TMEM132D: variants seen among roughly 807,000 people sequenced by gnomAD.
TMEM132D encodes the protein mature OL transmembrane protein.
TMEM132D carries 21 observed loss-of-function variants against 62.3 expected under a neutral mutation model. The ratio of observed to expected loss-of-function variants is 0.34; its 90% CI spans 0.24 to 0.49. The LOEUF (loss-of-function observed/expected upper bound fraction) is 0.49. TMEM132D is among the 20% of genes least tolerant of loss of function. The probability of loss-of-function intolerance (pLI) is 0.99; values close to 1 mark genes in which losing one functional copy is unlikely to be tolerated. For missense variants in TMEM132D, 1,346 were observed against 1,402.8 expected (o/e 0.96, Z 0.65); for synonymous variants, 621 against 575.6 (o/e 1.08, Z -1.13).
chr12:129,075,090 T>A, intron 8 of TMEM132D, 31 bp from the exon 9 acceptor site: 1 of 1,568,132 alleles, frequency 6.4e-7, no homozygotes, highest in Non-Finnish European at 8.6e-7. Context: ...GTTAATCAAA[T>A]GGGCCAAAAA....
intron 5 of TMEM132D, among the ~76,000 whole-genome samples, chr12:129,114,597 AACTT>A (rs1419422981): frequency 1.3e-5 from 2 of 152,216 alleles, no homozygotes; most frequent in East Asian, 3.8e-4. Context: ...GAAGCAAACA[AACTT>A]ACTTCATGCA....
chr12:129,528,822 A>G (rs933107596), intron 3 of TMEM132D, among the ~76,000 whole-genome samples: 1 of 152,174 alleles, frequency 6.6e-6, no homozygotes, highest in South Asian at 2.1e-4. Flanking sequence ...TAACTGGAAA[A>G]AGACCTGCTC....
At chr12:129,491,955 T>C (rs888947557) in intron 3 of TMEM132D, among the ~76,000 whole-genome samples, 5 of 145,440 alleles carry the variant, frequency 3.4e-5, no homozygotes, top group African/African-American at 1.3e-4. Flanking sequence ...AAAAAAAAAT[T>C]GCTTATTGGA....
intron 3 of TMEM132D, among the ~76,000 whole-genome samples, chr12:129,492,239 A>C (rs116341031): frequency 6.6e-6 from 1 of 152,350 alleles, no homozygotes; most frequent in African/African-American, 2.4e-5. Context: ...TTACAAATGC[A>C]GTACTTGGAA....
chr12:129,184,197 C>T (rs548000583), intron 5 of TMEM132D, among the ~76,000 whole-genome samples: 1 of 152,210 alleles, frequency 6.6e-6, no homozygotes, highest in African/African-American at 2.4e-5. Flanking sequence ...CAGGTCTCTG[C>T]AGGCCACCCG....
intron 5 of TMEM132D, 64 bp from the exon 6 acceptor site, chr12:129,084,766 A>G (rs2135620291): frequency 6.5e-7 from 1 of 1,531,408 alleles, no homozygotes; most frequent in Non-Finnish European, 8.9e-7. Context: ...GCATGGCCCA[A>G]GGAGGAGGAA....
At chr12:129,429,115 AC>A in intron 3 of TMEM132D, among the ~76,000 whole-genome samples, 1 of 97,644 alleles carries the variant, frequency 1.0e-5, no homozygotes, top group East Asian at 3.4e-4. Context: ...CCTTCAAGTT[AC>A]TCACTGTAGT....
chr12:129,897,905 T>A (rs939234200), intron 1 of TMEM132D, among the ~76,000 whole-genome samples: 1 of 152,186 alleles, frequency 6.6e-6, no homozygotes, highest in Non-Finnish European at 1.5e-5. Context: ...TTTTAGTTAT[T>A]CCATATAATT....
chr12:129,794,595 A>G (rs1257401288), intron 1 of TMEM132D, among the ~76,000 whole-genome samples: 3 of 152,198 alleles, frequency 2.0e-5, no homozygotes, highest in African/African-American at 7.2e-5. Context: ...ATGATACTGT[A>G]TGATATTGAG....
At chr12:129,537,709 A>G (rs1478205213) in intron 2 of TMEM132D, among the ~76,000 whole-genome samples, 4 of 152,226 alleles carry the variant, frequency 2.6e-5, no homozygotes, top group Non-Finnish European at 4.4e-5. Flanking sequence ...GAACAGTTCG[A>G]GGAGACCAAA....
At chr12:129,457,276 T>C (rs1211107791) in intron 3 of TMEM132D, among the ~76,000 whole-genome samples, 2 of 151,800 alleles carry the variant, frequency 1.3e-5, no homozygotes, top group African/African-American at 4.8e-5. Context: ...AATGATGAGT[T>C]TATGTCCTTT....
intron 1 of TMEM132D, among the ~76,000 whole-genome samples, chr12:129,860,137 A>C (rs1873845164): frequency 6.6e-6 from 1 of 152,180 alleles, no homozygotes; most frequent in Non-Finnish European, 1.5e-5. Context: ...CAGGACACGC[A>C]CACCCTAGAC....
At chr12:129,836,540 A>G (rs2137339453) in intron 1 of TMEM132D, among the ~76,000 whole-genome samples, 1 of 152,030 alleles carries the variant, frequency 6.6e-6, no homozygotes. Context: ...GTGTACCCCG[A>G]ATACTGAGAG....
intron 1 of TMEM132D, among the ~76,000 whole-genome samples, chr12:129,711,041 G>A (rs1200427870): frequency 6.6e-6 from 1 of 151,432 alleles, no homozygotes; most frequent in Non-Finnish European, 1.5e-5. Context: ...TGCATCTCCA[G>A]ACTGGAACTC....
chr12:129,586,779 A>G (rs1400014576), intron 2 of TMEM132D, among the ~76,000 whole-genome samples: 2 of 152,182 alleles, frequency 1.3e-5, no homozygotes, highest in South Asian at 2.1e-4. Context: ...ATTTGTTACA[A>G]TACCATAGCC....
intron 2 of TMEM132D, among the ~76,000 whole-genome samples, chr12:129,684,476 A>T (rs1374546798): frequency 6.6e-6 from 1 of 152,166 alleles, no homozygotes; most frequent in Non-Finnish European, 1.5e-5. Flanking sequence ...TCTTTCCTTT[A>T]TAAATTACCC....
chr12:129,297,598 G>A (rs1219995456), intron 4 of TMEM132D, among the ~76,000 whole-genome samples: 5 of 152,106 alleles, frequency 3.3e-5, no homozygotes, highest in East Asian at 1.9e-4. Context: ...TAAGGTGCTC[G>A]GGAGAGAATC....
chr12:129,205,537 A>G (rs960504342), intron 5 of TMEM132D, among the ~76,000 whole-genome samples: 1 of 152,232 alleles, frequency 6.6e-6, no homozygotes, highest in African/African-American at 2.4e-5. Flanking sequence ...AGACCTAGGA[A>G]GAGACTTAGA....
chr12:129,075,803 T>A (rs1002323928), intron 8 of TMEM132D, among the ~76,000 whole-genome samples: 1 of 152,238 alleles, frequency 6.6e-6, no homozygotes, highest in Non-Finnish European at 1.5e-5. Context: ...AGACCAACTT[T>A]CTTTGCAAAT....
Sources: gnomAD v4.1 joint callset for allele counts (sites outside exome capture counted in the v4.1 genomes callset) on GRCh38, gnomAD v4.1.1 for gene constraint, MANE v1.5 for transcripts, NCBI Gene and HGNC (gene_info 2026-07-23, HGNC 2026-07-21) for gene names.